The following SLC9A9 variants were observed in gnomAD, a reference collection of about 807,000 sequenced individuals.
The protein encoded by SLC9A9 is solute carrier family 9 member A9, also known as sodium/hydrogen exchanger 9.
SLC9A9 carries 62 observed loss-of-function variants against 77.8 expected under a neutral mutation model. That is an observed-to-expected ratio of 0.80 (90% CI 0.65 to 0.98). The LOEUF (loss-of-function observed/expected upper bound fraction) is 0.98. Among genes scored for constraint, SLC9A9 ranks in the 50% least tolerant of loss-of-function variants. The pLI is 0.00. For missense variants in SLC9A9, 775 were observed against 774.9 expected, an observed-to-expected ratio of 1.00 and a Z score of 0.00; for synonymous variants, 320 against 283.5, an observed-to-expected ratio of 1.13 and a Z score of -1.29.
intron 12 of SLC9A9, among the ~76,000 whole-genome samples, chr3:143,440,622 A>G (rs556243748): frequency 3.5e-4 from 54 of 152,298 alleles, no homozygotes; most frequent in African/African-American, 1.3e-3. Context: ...GAAGCTGTAT[A>G]TGAGCCTGTC....
intron 1 of SLC9A9, among the ~76,000 whole-genome samples, chr3:143,839,991 T>G (rs2009666210): frequency 6.6e-6 from 1 of 152,036 alleles, no homozygotes; most frequent in Admixed American, 6.6e-5. Context: ...AAGAAAGAAA[T>G]AAGAGAAAAC....
At chr3:143,411,532 C>T (rs545703075) in intron 12 of SLC9A9, among the ~76,000 whole-genome samples, 3 of 152,144 alleles carry the variant, frequency 2.0e-5, no homozygotes, top group East Asian at 1.9e-4. Context: ...TTCCAGAACA[C>T]GAACTCTATT....
At chr3:143,525,980 G>C (rs2036397887) in intron 9 of SLC9A9, among the ~76,000 whole-genome samples, 2 of 152,202 alleles carry the variant, frequency 1.3e-5, no homozygotes, top group African/African-American at 4.8e-5. Flanking sequence ...AATATTAGCA[G>C]TTACAGTGGT....
chr3:143,432,005 A>T (rs73144779), intron 12 of SLC9A9, among the ~76,000 whole-genome samples: 5,615 of 152,236 alleles, frequency 0.037, 151 homozygotes, highest in Middle Eastern at 0.078. Flanking sequence ...TTCAAATCAC[A>T]GCCCAATCCC....
At chr3:143,574,666 G>A (rs1246441849) in intron 7 of SLC9A9, among the ~76,000 whole-genome samples, 2 of 152,214 alleles carry the variant, frequency 1.3e-5, no homozygotes, top group African/African-American at 4.8e-5. Context: ...AGGATCAGAA[G>A]AAGAAGTTAC....
chr3:143,490,698 G>GA (rs1389709025), intron 11 of SLC9A9, among the ~76,000 whole-genome samples: 8 of 151,680 alleles, frequency 5.3e-5, no homozygotes, highest in Admixed American at 2.6e-4. Context: ...ATAAAAAAAT[G>GA]AAAAAAAAGA....
chr3:143,423,551 C>T (rs1010963129), intron 12 of SLC9A9, among the ~76,000 whole-genome samples: 10 of 151,896 alleles, frequency 6.6e-5, no homozygotes, highest in Non-Finnish European at 4.4e-5. Context: ...CTCCTAGTGG[C>T]CAAATTAAAG....
chr3:143,513,144 CT>C (rs1211540606), intron 9 of SLC9A9, among the ~76,000 whole-genome samples: 1 of 152,186 alleles, frequency 6.6e-6, no homozygotes, highest in African/African-American at 2.4e-5. Flanking sequence ...AAAGATTTTT[CT>C]GTAGCATGTG....
chr3:143,398,432 G>A (rs1454601001), intron 12 of SLC9A9, among the ~76,000 whole-genome samples: 1 of 152,102 alleles, frequency 6.6e-6, no homozygotes, highest in Admixed American at 6.6e-5. Context: ...CGGGTGAAAA[G>A]GGAGTTGGAG....
chr3:143,786,469 G>A (rs2008062164), intron 4 of SLC9A9, among the ~76,000 whole-genome samples: 1 of 152,128 alleles, frequency 6.6e-6, no homozygotes, highest in African/African-American at 2.4e-5. Context: ...CTAGATTGGT[G>A]AATGATACAC....
intron 4 of SLC9A9, among the ~76,000 whole-genome samples, chr3:143,709,090 A>C (rs1934072803): frequency 6.6e-6 from 1 of 152,138 alleles, no homozygotes; most frequent in Non-Finnish European, 1.5e-5. Flanking sequence ...CCAAACATAA[A>C]TGAGTAGTAA....
At chr3:143,687,898 T>C (rs1280000093) in intron 5 of SLC9A9, among the ~76,000 whole-genome samples, 2 of 152,080 alleles carry the variant, frequency 1.3e-5, no homozygotes, top group African/African-American at 4.8e-5. Flanking sequence ...TGAGCCAATA[T>C]TGTATTTTAA....
At chr3:143,707,402 C>CACACACA (rs757480379) in intron 4 of SLC9A9, among the ~76,000 whole-genome samples, 9 of 139,644 alleles carry the variant, frequency 6.4e-5, no homozygotes, top group African/African-American at 2.7e-4. Flanking sequence ...ACACACACAC[C>CACACACA]CCAGCTGGGA....
chr3:143,305,057 A>G (rs372157232), intron 14 of SLC9A9, among the ~76,000 whole-genome samples: 147 of 152,286 alleles, frequency 9.7e-4, no homozygotes, highest in African/African-American at 3.4e-3. Flanking sequence ...GATTGAGAAA[A>G]TGATTCCCTT....
At chr3:143,667,744 A>C (rs1027786156) in intron 5 of SLC9A9, among the ~76,000 whole-genome samples, 3 of 152,242 alleles carry the variant, frequency 2.0e-5, no homozygotes, top group Non-Finnish European at 2.9e-5. Flanking sequence ...GTTCATCATC[A>C]CTGGCCATCA....
chr3:143,356,803 C>T (rs779195235), intron 14 of SLC9A9, among the ~76,000 whole-genome samples: 5 of 152,200 alleles, frequency 3.3e-5, no homozygotes, highest in Non-Finnish European at 7.3e-5. Context: ...GGTTAAGCCA[C>T]TGAACCCAGC....
At chr3:143,797,574 C>T (rs1176057727) in intron 2 of SLC9A9, among the ~76,000 whole-genome samples, 1 of 151,650 alleles carries the variant, frequency 6.6e-6, no homozygotes, top group Non-Finnish European at 1.5e-5. Flanking sequence ...GATGACATTC[C>T]ACCACAAAAG....
chr3:143,679,943 G>A (rs1041764515), intron 5 of SLC9A9, among the ~76,000 whole-genome samples: 9 of 151,986 alleles, frequency 5.9e-5, no homozygotes, highest in African/African-American at 2.2e-4. Flanking sequence ...GAATAAATAG[G>A]ATAATGGATA....
intron 14 of SLC9A9, among the ~76,000 whole-genome samples, chr3:143,324,248 AGG>A (rs2031509231): frequency 3.9e-5 from 6 of 152,172 alleles, no homozygotes; most frequent in Admixed American, 3.9e-4. Context: ...AATGTTCCCC[AGG>A]CAGTGGGTGA....
Sources: gnomAD v4.1 joint callset for allele counts (sites outside exome capture counted in the v4.1 genomes callset) on GRCh38, gnomAD v4.1.1 for gene constraint, MANE v1.5 for transcripts, NCBI Gene and HGNC (gene_info 2026-07-23, HGNC 2026-07-21) for gene names.